The following SSBP3 variants were observed in gnomAD, a reference collection of about 807,000 sequenced individuals.
The protein encoded by SSBP3 is single-stranded DNA-binding protein 3.
SSBP3 carries 5 observed loss-of-function variants against 69.6 expected under a neutral mutation model. That is an observed-to-expected ratio of 0.07 (90% CI 0.04 to 0.15). The LOEUF (loss-of-function observed/expected upper bound fraction) is 0.15, where lower values mean the gene tolerates loss of function less well. Among genes scored for constraint, SSBP3 ranks in the 10% least tolerant of loss-of-function variants. The pLI, the probability that SSBP3 is intolerant of heterozygous loss-of-function variation, is 1.00. For missense variants in SSBP3, 312 were observed against 534.0 expected (o/e 0.58, Z 4.10); for synonymous variants, 196 against 193.4 (o/e 1.01, Z -0.11).
chr1:54,317,966 C>T lies in SSBP3; in HGVS notation c.277-36439G>A, dbSNP rs147627688. On this transcript the variant is annotated intron_variant, in intron 4 of 17. Transcript: ENST00000610401. ...TATTTTTAGTAGAGACAGGGTTTCACCATGTTGGCCAGACTGGTCTCGAAC... is the reference window on the plus strand; with the variant it reads ...TATTTTTAGTAGAGACAGGGTTTCATCATGTTGGCCAGACTGGTCTCGAAC... Among the ~76,000 whole-genome samples the T allele has an allele frequency of 1.1e-4, 16 of 152,270 alleles. No individual in the cohort carries two copies. In the East Asian group the frequency reaches 3.1e-3, roughly 29 times the overall value.
At chr1:54,257,294 T>C in intron 6 of SSBP3, 108 bp from the exon 7 acceptor site, 11 of 985,240 alleles carry the variant, frequency 1.1e-5, no homozygotes, top group Non-Finnish European at 1.6e-5. Flanking sequence ...TAGTGATCTT[T>C]TAAGTTCTTT....
At chr1:54,339,409 T>G (rs1418817521) in intron 4 of SSBP3, among the ~76,000 whole-genome samples, 1 of 152,232 alleles carries the variant, frequency 6.6e-6, no homozygotes, top group Non-Finnish European at 1.5e-5. Context: ...CTGCTTAGAT[T>G]TGAATCCTGT....
chr1:54,371,582 C>T (rs180857994), intron 4 of SSBP3, among the ~76,000 whole-genome samples: 30 of 152,282 alleles, frequency 2.0e-4, no homozygotes, highest in African/African-American at 6.3e-4. Flanking sequence ...CTCTCCACCC[C>T]CAAGCTACCG....
intron 11 of SSBP3, 92 bp from the exon 12 acceptor site, chr1:54,241,601 G>A: frequency 7.2e-7 from 1 of 1,384,646 alleles, no homozygotes; most frequent in South Asian, 1.2e-5. Flanking sequence ...CTCTTCACAG[G>A]AAAGGCATCG....
intron 4 of SSBP3, among the ~76,000 whole-genome samples, chr1:54,395,541 G>A (rs1346320703): frequency 6.6e-6 from 1 of 152,220 alleles, no homozygotes; most frequent in Non-Finnish European, 1.5e-5. Flanking sequence ...TGCCCCTTGA[G>A]GGGGTGCAGG....
intron 5 of SSBP3, among the ~76,000 whole-genome samples, chr1:54,280,244 G>C (rs564661154): frequency 7.2e-5 from 11 of 152,268 alleles, no homozygotes; most frequent in Non-Finnish European, 1.3e-4. Context: ...TTGCCAACTA[G>C]AATCATCTTC....
chr1:54,262,107 C>T (rs929389769), intron 5 of SSBP3, among the ~76,000 whole-genome samples: 1 of 152,184 alleles, frequency 6.6e-6, no homozygotes, highest in Admixed American at 6.5e-5. Context: ...GGTTCGAATC[C>T]TGGCTCTGCC....
At chr1:54,264,093 G>A (rs1400709491) in intron 5 of SSBP3, among the ~76,000 whole-genome samples, 1 of 152,166 alleles carries the variant, frequency 6.6e-6, no homozygotes, top group Non-Finnish European at 1.5e-5. Context: ...TTGAGCCCAG[G>A]AGTTTGAGAC....
At chr1:54,264,700 T>C (rs1477051023) in intron 5 of SSBP3, among the ~76,000 whole-genome samples, 4 of 152,206 alleles carry the variant, frequency 2.6e-5, no homozygotes, top group African/African-American at 9.7e-5. Flanking sequence ...CTGTGAGAGT[T>C]CTCTGTAAAC....
chr1:54,351,800 G>A (rs1036649696), intron 4 of SSBP3, among the ~76,000 whole-genome samples: 1 of 152,138 alleles, frequency 6.6e-6, no homozygotes, highest in Non-Finnish European at 1.5e-5. Flanking sequence ...TACACCAGCT[G>A]TAGAAACATC....
chr1:54,327,851 AT>A (rs1222342604), intron 4 of SSBP3, among the ~76,000 whole-genome samples: 1 of 152,136 alleles, frequency 6.6e-6, no homozygotes, highest in African/African-American at 2.4e-5. Context: ...CCCCTCCCCC[AT>A]CCCAGGCACG....
intron 4 of SSBP3, among the ~76,000 whole-genome samples, chr1:54,389,981 A>G (rs1476793622): frequency 6.6e-6 from 1 of 152,164 alleles, no homozygotes; most frequent in Non-Finnish European, 1.5e-5. Context: ...TCTCTACAAA[A>G]TAGGAATAAC....
intron 7 of SSBP3, among the ~76,000 whole-genome samples, chr1:54,252,225 G>A (rs1644843035): frequency 6.6e-6 from 1 of 152,216 alleles, no homozygotes; most frequent in African/African-American, 2.4e-5. Context: ...AGAGGCAGCA[G>A]TGCCCACTCC....
chr1:54,232,337 C>T (rs1341049950), intron 14 of SSBP3, among the ~76,000 whole-genome samples: 1 of 152,166 alleles, frequency 6.6e-6, no homozygotes, highest in African/African-American at 2.4e-5. Flanking sequence ...TGCTCTGTCA[C>T]CCAAGCTAGA....
At chr1:54,395,731 C>T (rs1003514315) in intron 4 of SSBP3, among the ~76,000 whole-genome samples, 18 of 152,168 alleles carry the variant, frequency 1.2e-4, no homozygotes, top group East Asian at 3.8e-4. Flanking sequence ...GGATCCCTGA[C>T]GATTTCCAGC....
intron 4 of SSBP3, chr1:54,335,919 A>T (rs1474022928): frequency 6.6e-6 from 1 of 152,296 alleles, no homozygotes; most frequent in African/African-American, 2.4e-5. Flanking sequence ...TAAGTCTCGC[A>T]AGGGAGGATT....
chr1:54,355,573 T>C (rs113265682), intron 4 of SSBP3, among the ~76,000 whole-genome samples: 6,296 of 152,210 alleles, frequency 0.041, 309 homozygotes, highest in African/African-American at 0.11. Context: ...GGTCTGGAAC[T>C]CCTGGCCTCA....
chr1:54,250,013 T>C (rs1049950830), intron 9 of SSBP3, among the ~76,000 whole-genome samples: 2 of 152,212 alleles, frequency 1.3e-5, no homozygotes, highest in Non-Finnish European at 2.9e-5. Context: ...CAATAAAATG[T>C]GACTGCTGTG....
chr1:54,404,167 C>T (rs559316764), intron 3 of SSBP3, among the ~76,000 whole-genome samples: 6 of 151,816 alleles, frequency 4.0e-5, no homozygotes, highest in Non-Finnish European at 5.9e-5. Context: ...TGTGAGCTCC[C>T]GAGGAGAAAA....
Sources: allele counts gnomAD v4.1 joint callset (sites outside exome capture counted in the v4.1 genomes callset), GRCh38; gene constraint gnomAD v4.1.1; transcripts MANE v1.5; gene names NCBI Gene and HGNC (gene_info 2026-07-23, HGNC 2026-07-21).